HSD17B4: variants seen among roughly 807,000 people sequenced by gnomAD.
HSD17B4 encodes the protein hydroxysteroid 17-beta dehydrogenase 4.
HSD17B4 carries 70 observed loss-of-function variants against 101.0 expected under a neutral mutation model. The ratio of observed to expected loss-of-function variants is 0.69; its 90% confidence interval spans 0.57 to 0.85. The LOEUF is 0.85. HSD17B4 is among the 40% of genes least tolerant of loss of function. The probability of loss-of-function intolerance (pLI) is 0.00; values close to 1 mark genes in which losing one functional copy is unlikely to be tolerated. For missense variants in HSD17B4, 984 were observed against 892.4 expected, an observed-to-expected ratio of 1.10 and a Z score of -1.31; for synonymous variants, 347 against 297.1, an observed-to-expected ratio of 1.17 and a Z score of -1.73.
At chr5:119,485,306 T>C (rs1046664486) in intron 8 of HSD17B4, among the ~76,000 whole-genome samples, 8 of 152,176 alleles carry the variant, frequency 5.3e-5, no homozygotes, top group Non-Finnish European at 1.5e-5. Flanking sequence ...TATGGTATCA[T>C]TTATTTGAAC....
At chr5:119,500,762 GGTATGAGGA>G (rs1264367556) in intron 13 of HSD17B4, among the ~76,000 whole-genome samples, 2 of 152,086 alleles carry the variant, frequency 1.3e-5, no homozygotes, top group African/African-American at 4.8e-5. Context: ...TGGTTGGTGA[GGTATGAGGA>G]GTATCATGAG....
chr5:119,512,047 C>G (rs899550581), intron 16 of HSD17B4, among the ~76,000 whole-genome samples: 16 of 151,978 alleles, frequency 1.1e-4, no homozygotes, highest in Non-Finnish European at 1.8e-4. Context: ...AAATTTGGAG[C>G]TGAAAGTATA....
chr5:119,456,517 A>G (rs2126611324), intron 2 of HSD17B4, 149 bp downstream of exon 2: 2 of 653,640 alleles, frequency 3.1e-6, no homozygotes, highest in East Asian at 5.5e-5. Flanking sequence ...ACCCCGACTA[A>G]GGCTGTCTGT....
rs117781273 is a variant in HSD17B4 at position 119,470,974 on chromosome 5, A to G, written c.113-2934A>G. Among the ~76,000 whole-genome samples, 196 of 152,350 alleles carry G rather than the reference A, an allele frequency of 1.3e-3. 3 individuals are homozygous for G. In the East Asian group the frequency reaches 0.036, roughly 28 times the overall value. ...ATTTAACTACCCATGATTGATCTCA[A>G]TAAATTATTTATCCAGCTTTCAATG... On this transcript the variant is annotated intron_variant, in intron 2 of 23. Coordinates refer to ENST00000510025, the MANE Select transcript of HSD17B4 (RefSeq NM_000414.4).
intron 14 of HSD17B4, among the ~76,000 whole-genome samples, chr5:119,504,772 T>G (rs1455960793): frequency 6.6e-6 from 1 of 152,212 alleles, no homozygotes; most frequent in Non-Finnish European, 1.5e-5. Context: ...TACTTGTTAA[T>G]CTTTGTTTTG....
chr5:119,478,767 A>G, intron 7 of HSD17B4, 67 bp from the exon 8 acceptor site: 1 of 1,346,880 alleles, frequency 7.4e-7, no homozygotes, highest in Non-Finnish European at 1.1e-6. Flanking sequence ...GTACCAAAAC[A>G]GAGTTAGAGT....
intron 13 of HSD17B4, among the ~76,000 whole-genome samples, chr5:119,500,481 G>T (rs1178833113): frequency 6.6e-6 from 1 of 151,932 alleles, no homozygotes; most frequent in African/African-American, 2.4e-5. Flanking sequence ...TTTTAAGGTG[G>T]GGTTGATCAG....
chr5:119,477,272 A>C, intron 6 of HSD17B4, 145 bp from the exon 7 acceptor site: 2 of 629,562 alleles, frequency 3.2e-6, no homozygotes, highest in Non-Finnish European at 5.8e-6. Context: ...TAAAGGCAAA[A>C]TACTCATTGG....
intron 20 of HSD17B4, among the ~76,000 whole-genome samples, 161 bp from the exon 21 acceptor site, chr5:119,529,733 A>G (rs1753893250): frequency 6.6e-6 from 1 of 152,174 alleles, no homozygotes; most frequent in African/African-American, 2.4e-5. Flanking sequence ...ATGTTTGTTC[A>G]TCTTGACATT....
chr5:119,502,366 T>G (rs1209487425), intron 14 of HSD17B4, among the ~76,000 whole-genome samples: 3 of 152,186 alleles, frequency 2.0e-5, no homozygotes, highest in African/African-American at 7.2e-5. Flanking sequence ...TTCGTGTATG[T>G]GCTCTAGACT....
intron 18 of HSD17B4, 191 bp from the exon 19 acceptor site, chr5:119,525,726 C>CTTTTTTTTT: frequency 5.8e-6 from 2 of 347,704 alleles, no homozygotes; most frequent in Non-Finnish European, 1.0e-5. Flanking sequence ...TTTTTTTTTT[C>CTTTTTTTTT]TTTCTTTCTT....
At chr5:119,480,972 T>C (rs1749075418) in intron 8 of HSD17B4, among the ~76,000 whole-genome samples, 2 of 152,216 alleles carry the variant, frequency 1.3e-5, no homozygotes, top group African/African-American at 4.8e-5. Flanking sequence ...ATCTCTCTTA[T>C]TCCCCGAACA....
At chr5:119,475,653 T>G (rs939075568) in intron 4 of HSD17B4, 53 bp from the exon 5 acceptor site, 13 of 1,411,180 alleles carry the variant, frequency 9.2e-6, no homozygotes, top group Non-Finnish European at 1.2e-5. Context: ...TGTAAGCAAA[T>G]GCAAACTAAT....
chr5:119,472,151 ATTTC>A (rs1756436062), intron 2 of HSD17B4, among the ~76,000 whole-genome samples: 1 of 152,058 alleles, frequency 6.6e-6, no homozygotes, highest in South Asian at 2.1e-4. Flanking sequence ...AATAGTTTTT[ATTTC>A]TTTCATTTTA....
Position 119,509,226 on chromosome 5 carries a change from G to T in HSD17B4, c.1419G>T (p.Arg473=), listed in dbSNP as rs774382073. 1.9e-6 allele frequency: 3 copies of T among 1,601,286 alleles called. No individual in the cohort carries two copies. Among genetic ancestry groups the T allele is most frequent in the African/African-American group, 2.7e-5 (2 of 74,616 alleles). Reference sequence around the variant, plus strand: ...GCTCTGGAGGCTTTGGTGGAAAACGGACATCAGACAAAGTCAAGGTAAGCC... The same window carrying T: ...GCTCTGGAGGCTTTGGTGGAAAACGTACATCAGACAAAGTCAAGGTAAGCC... ...LVGSGGFGGK[R]TSDKVKVAVA... The change falls in exon 16 of 24, where the codon CGG becomes CGT. Residue 473 remains arginine (R), a synonymous_variant. Transcript: ENST00000510025.
At chr5:119,474,560 C>T (rs913974704) in intron 4 of HSD17B4, 100 bp downstream of exon 4, 3 of 785,652 alleles carry the variant, frequency 3.8e-6, no homozygotes, top group Non-Finnish European at 6.9e-6. Flanking sequence ...TACCTCTTTC[C>T]TCATAATCAC....
At chr5:119,466,506 G>C (rs1755825238) in intron 2 of HSD17B4, among the ~76,000 whole-genome samples, 1 of 152,134 alleles carries the variant, frequency 6.6e-6, no homozygotes, top group Non-Finnish European at 1.5e-5. Flanking sequence ...GACCTGTTCA[G>C]ATTTTCTATT....
chr5:119,473,832 C>A (rs1321753013), intron 2 of HSD17B4, 76 bp from the exon 3 acceptor site: 8 of 867,198 alleles, frequency 9.2e-6, no homozygotes, highest in Non-Finnish European at 1.3e-5. Context: ...ATTAGAATTT[C>A]ATTTTCCACA....
chr5:119,455,046 CAATT>C (rs1277207777), intron 1 of HSD17B4, among the ~76,000 whole-genome samples: 5 of 152,092 alleles, frequency 3.3e-5, no homozygotes, highest in South Asian at 2.1e-4. Context: ...TGAAATTTAT[CAATT>C]AACTTAAAAT....
Sources: gnomAD v4.1 joint callset for allele counts (sites outside exome capture counted in the v4.1 genomes callset) on GRCh38, gnomAD v4.1.1 for gene constraint, MANE v1.5 for transcripts, NCBI Gene and HGNC (gene_info 2026-07-23, HGNC 2026-07-21) for gene names.